The following CTNND2 variants were observed in gnomAD, a reference collection of about 807,000 sequenced individuals.
CTNND2 encodes the protein catenin delta 2.
In CTNND2, 22 loss-of-function variants were observed where a neutral mutation model predicts 144.4. That is an observed-to-expected ratio of 0.15 (90% CI 0.11 to 0.22). The LOEUF (loss-of-function observed/expected upper bound fraction) is 0.22. Among genes scored for constraint, CTNND2 ranks in the 10% least tolerant of loss-of-function variants. CTNND2 has a pLI of 1.00. For missense variants in CTNND2, 1,353 were observed against 1,618.8 expected, an observed-to-expected ratio of 0.84 and a Z score of 2.82; for synonymous variants, 751 against 695.6, an observed-to-expected ratio of 1.08 and a Z score of -1.25.
chr5:11,720,744 G>A (rs1487101377), intron 2 of CTNND2, among the ~76,000 whole-genome samples: 1 of 152,078 alleles, frequency 6.6e-6, no homozygotes, highest in African/African-American at 2.4e-5. Context: ...TTGTTGGTCT[G>A]CCATGGAATT....
chr5:11,306,985 G>T (rs893524577), intron 9 of CTNND2, among the ~76,000 whole-genome samples: 1 of 152,132 alleles, frequency 6.6e-6, no homozygotes, highest in Non-Finnish European at 1.5e-5. Flanking sequence ...ACAACCTGGG[G>T]TTGTTACCAA....
chr5:11,891,645 C>G (rs570336829), intron 1 of CTNND2, among the ~76,000 whole-genome samples: 2 of 152,292 alleles, frequency 1.3e-5, no homozygotes, highest in East Asian at 3.9e-4. Context: ...GAGGAAAGAG[C>G]AGGAAGGCGG....
intron 9 of CTNND2, among the ~76,000 whole-genome samples, chr5:11,270,262 A>T (rs1050691656): frequency 1.3e-5 from 2 of 152,132 alleles, no homozygotes; most frequent in African/African-American, 4.8e-5. Flanking sequence ...CGTAACACAC[A>T]CACACATATA....
At chr5:11,627,876 A>C (rs1781234850) in intron 2 of CTNND2, among the ~76,000 whole-genome samples, 1 of 151,004 alleles carries the variant, frequency 6.6e-6, no homozygotes, top group South Asian at 2.1e-4. Flanking sequence ...CAGGCATTAC[A>C]TTCTCATAAG....
intron 12 of CTNND2, among the ~76,000 whole-genome samples, chr5:11,157,689 T>C (rs773884475): frequency 5.9e-5 from 9 of 152,254 alleles, no homozygotes; most frequent in Non-Finnish European, 1.2e-4. Flanking sequence ...TACACTTGCA[T>C]ACTAAAATCT....
At chr5:11,376,740 G>A (rs1411283530) in intron 7 of CTNND2, among the ~76,000 whole-genome samples, 1 of 152,168 alleles carries the variant, frequency 6.6e-6, no homozygotes, top group East Asian at 1.9e-4. Flanking sequence ...ACTGGCTACA[G>A]GGTCGCCATT....
intron 3 of CTNND2, among the ~76,000 whole-genome samples, chr5:11,420,247 G>A (rs1032006912): frequency 2.6e-5 from 4 of 152,046 alleles, no homozygotes; most frequent in African/African-American, 9.7e-5. Context: ...TGCTTGAACC[G>A]GGGAGGTGGA....
At chr5:11,497,693 C>T (rs961953206) in intron 3 of CTNND2, among the ~76,000 whole-genome samples, 2 of 151,612 alleles carry the variant, frequency 1.3e-5, no homozygotes, top group African/African-American at 4.9e-5. Context: ...GTGTGTGAAT[C>T]ATCCACGAAT....
At chr5:11,567,728 G>A (rs1467102577) in intron 2 of CTNND2, among the ~76,000 whole-genome samples, 2 of 151,820 alleles carry the variant, frequency 1.3e-5, no homozygotes, top group Non-Finnish European at 2.9e-5. Context: ...TTAACTTTTT[G>A]CACATGTTGA....
At position 11,101,215 on chromosome 5, in the gene CTNND2, G is replaced by A. The variant is rs1751846863; in HGVS notation, c.2464-2467C>T. Reference sequence around the variant, plus strand: ...GGTACTTTATTCAAACTTTTATTAAGTTAATAGGGAGAAAAGTATCATAAG... The same window carrying A: ...GGTACTTTATTCAAACTTTTATTAAATTAATAGGGAGAAAAGTATCATAAG... On this transcript the variant is annotated intron_variant, in intron 14 of 21. Coordinates refer to ENST00000304623, the MANE Select transcript of CTNND2 (RefSeq NM_001332.4). Among the ~76,000 whole-genome samples, 3 of 152,176 alleles carry A rather than the reference G, an allele frequency of 2.0e-5. No individual in the cohort carries two copies. In the South Asian group the frequency reaches 6.2e-4, roughly 31 times the overall value.
At chr5:11,690,730 G>A (rs1277589970) in intron 2 of CTNND2, among the ~76,000 whole-genome samples, 7 of 111,496 alleles carry the variant, frequency 6.3e-5, no homozygotes, top group South Asian at 3.3e-4. Flanking sequence ...GCGACAGAGC[G>A]AGACTCCGTC....
At chr5:11,498,262 T>C (rs1770175206) in intron 3 of CTNND2, among the ~76,000 whole-genome samples, 2 of 151,694 alleles carry the variant, frequency 1.3e-5, no homozygotes, top group Non-Finnish European at 2.9e-5. Flanking sequence ...CATACACATA[T>C]GCATTTGCAA....
chr5:11,339,969 A>G (rs1754078661), intron 9 of CTNND2, among the ~76,000 whole-genome samples: 1 of 152,216 alleles, frequency 6.6e-6, no homozygotes, highest in African/African-American at 2.4e-5. Context: ...AAATCCACAT[A>G]TTGGAAGTGC....
rs75446090 is a variant in CTNND2, at chr5:11,574,918, T to G, written c.175-9862A>C. Among the ~76,000 whole-genome samples, 687 of 152,330 alleles carry G rather than the reference T, an allele frequency of 4.5e-3. 5 individuals carry two copies. The highest frequency in any genetic ancestry group is 0.016 in the African/African-American group (667 of 41,592). ...GACTTTGCATGTGTTCAATCTGCAT[T>G]TATTCACTCATTGCTCCAAATATCC... On this transcript the variant is annotated intron_variant, in intron 2 of 21. Transcript: ENST00000304623.
intron 3 of CTNND2, among the ~76,000 whole-genome samples, chr5:11,417,097 CA>C (rs1362230187): frequency 1.3e-5 from 2 of 152,096 alleles, no homozygotes; most frequent in Admixed American, 1.3e-4. Flanking sequence ...TGGTAGCAGA[CA>C]ATAGTCTAAC....
chr5:11,323,550 A>C (rs1030160969), intron 9 of CTNND2, among the ~76,000 whole-genome samples: 1 of 152,196 alleles, frequency 6.6e-6, no homozygotes, highest in Non-Finnish European at 1.5e-5. Context: ...TAGTGTTTTT[A>C]GCTTAGGAAA....
intron 2 of CTNND2, among the ~76,000 whole-genome samples, chr5:11,715,614 C>T (rs1262715659): frequency 6.6e-6 from 1 of 152,144 alleles, no homozygotes; most frequent in African/African-American, 2.4e-5. Context: ...TTCTAGGAGG[C>T]CTTGCCAGGA....
At chr5:11,679,098 G>GAA (rs1350010562) in intron 2 of CTNND2, among the ~76,000 whole-genome samples, 1 of 151,980 alleles carries the variant, frequency 6.6e-6, no homozygotes, top group African/African-American at 2.4e-5. Flanking sequence ...GGCCCTTCCT[G>GAA]AAACGATGCC....
intron 21 of CTNND2, among the ~76,000 whole-genome samples, chr5:10,980,945 T>C (rs1737163959): frequency 6.6e-6 from 1 of 152,084 alleles, no homozygotes. Flanking sequence ...CTAATTTGGA[T>C]GTCGGGTTGA....
Sources: allele counts gnomAD v4.1 joint callset (sites outside exome capture counted in the v4.1 genomes callset), GRCh38; gene constraint gnomAD v4.1.1; transcripts MANE v1.5; gene names NCBI Gene and HGNC (gene_info 2026-07-23, HGNC 2026-07-21).